The following VMP1 variants were observed in gnomAD, a reference collection of about 807,000 sequenced individuals.
The protein encoded by VMP1 is vacuole membrane protein 1.
VMP1 carries 11 observed loss-of-function variants against 56.0 expected under a neutral mutation model. The observed-to-expected ratio is 0.20, with a 90% CI of 0.12 to 0.32. The LOEUF is 0.32. VMP1 is among the 10% of genes least tolerant of loss of function. VMP1 has a pLI of 1.00. For synonymous variants in VMP1, 149 were observed against 165.0 expected (o/e 0.90, Z 0.74); for missense variants, 296 against 490.3 (o/e 0.60, Z 3.74).
chr17:59,724,791 A>C (rs11870590), intron 1 of VMP1, among the ~76,000 whole-genome samples: 66,157 of 151,490 alleles, frequency 0.44, 16,576 homozygotes, highest in African/African-American at 0.69. Context: ...CAGTGAAACC[A>C]CGTCTCTACT....
chr17:59,817,395 AGGCTG>A (rs2038281664), intron 9 of VMP1, among the ~76,000 whole-genome samples: 1 of 147,690 alleles, frequency 6.8e-6, no homozygotes, highest in African/African-American at 2.5e-5. Flanking sequence ...CTCTGTCATC[AGGCTG>A]GAGTGCAGTG....
chr17:59,722,857 G>A (rs1335144972), intron 1 of VMP1, among the ~76,000 whole-genome samples: 1 of 152,170 alleles, frequency 6.6e-6, no homozygotes, highest in Non-Finnish European at 1.5e-5. Flanking sequence ...TGCCAGCCTA[G>A]GTGATAGAGC....
intron 7 of VMP1, among the ~76,000 whole-genome samples, chr17:59,799,885 C>G (rs2037577610): frequency 6.7e-6 from 1 of 149,688 alleles, no homozygotes; most frequent in Admixed American, 6.7e-5. Context: ...ATCACTTGAA[C>G]CCGGGAGGCG....
Position 59,717,455 on chromosome 17 carries a change from C to T in VMP1, c.-27+9707C>T, listed in dbSNP as rs1394478109. 1.3e-4 allele frequency among the ~76,000 whole-genome samples: 19 copies of T among 151,768 alleles called. No individual in the cohort carries two copies. In the South Asian group the frequency reaches 1.7e-3, roughly 13 times the overall value. On this transcript the variant is annotated intron_variant, in intron 1 of 11. Transcript: ENST00000262291. ...AGGAGTGCAGTGGCACTGTCTAGGC[C>T]CACTGCAACCTCCACCTCCCAGGCT...
At chr17:59,804,394 G>A (rs908283867) in intron 7 of VMP1, among the ~76,000 whole-genome samples, 3 of 151,852 alleles carry the variant, frequency 2.0e-5, no homozygotes, top group East Asian at 3.9e-4. Flanking sequence ...CGGGTGGATC[G>A]CCTAAGCTCA....
intron 1 of VMP1, among the ~76,000 whole-genome samples, chr17:59,726,631 A>AT (rs889386733): frequency 6.6e-6 from 1 of 152,232 alleles, no homozygotes; most frequent in African/African-American, 2.4e-5. Flanking sequence ...GAACTTAAGT[A>AT]TAGCTTCAAG....
chr17:59,806,088 A>AT (rs1240860042), intron 7 of VMP1, among the ~76,000 whole-genome samples: 2 of 152,168 alleles, frequency 1.3e-5, no homozygotes, highest in Admixed American at 6.5e-5. Context: ...CAATTAAAAC[A>AT]TTTTTTACCA....
intron 7 of VMP1, among the ~76,000 whole-genome samples, chr17:59,786,997 A>G (rs906215896): frequency 6.6e-6 from 1 of 152,198 alleles, no homozygotes; most frequent in Non-Finnish European, 1.5e-5. Flanking sequence ...TAGTTTTTGA[A>G]AAGGCGGGCC....
intron 1 of VMP1, among the ~76,000 whole-genome samples, chr17:59,717,724 AG>A: frequency 1.3e-5 from 2 of 152,312 alleles, no homozygotes; most frequent in South Asian, 4.1e-4. Flanking sequence ...ATTTGATAAC[AG>A]CCTGACCAAC....
At chr17:59,713,681 CTCTT>C (rs761078571) in intron 1 of VMP1, among the ~76,000 whole-genome samples, 1 of 123,666 alleles carries the variant, frequency 8.1e-6, no homozygotes, top group Non-Finnish European at 1.6e-5. Flanking sequence ...AACCCCATCT[CTCTT>C]TTTTTTTTTT....
At chr17:59,827,814 G>A (rs1367588104) in intron 10 of VMP1, among the ~76,000 whole-genome samples, 1 of 151,908 alleles carries the variant, frequency 6.6e-6, no homozygotes, top group Non-Finnish European at 1.5e-5. Flanking sequence ...AGCTACTGTG[G>A]CCCCAGCTAC....
At chr17:59,805,262 T>C (rs1453024096) in intron 7 of VMP1, among the ~76,000 whole-genome samples, 4 of 152,246 alleles carry the variant, frequency 2.6e-5, no homozygotes, top group Non-Finnish European at 5.9e-5. Context: ...CTGTTTTTCG[T>C]TCTTGCCTAA....
chr17:59,752,553 A>G (rs1251182385), intron 5 of VMP1, among the ~76,000 whole-genome samples: 1 of 152,242 alleles, frequency 6.6e-6, no homozygotes, highest in Non-Finnish European at 1.5e-5. Context: ...TGTATAAAAA[A>G]AATTAAGAGT....
rs143461966 is a variant in VMP1 at position 59,814,268 on chromosome 17, C to T, written c.912+2482C>T. Among the ~76,000 whole-genome samples, 282 of 152,290 alleles carry T rather than the reference C, an allele frequency of 1.9e-3. 2 individuals carry two copies. The highest frequency in any genetic ancestry group is 6.4e-3 in the African/African-American group (267 of 41,556). ...CTGGGATTACAGGCATGATCCACTG[C>T]GCCTGGCCGATGAGTGATTTTTTTA... On this transcript the variant is annotated intron_variant, in intron 9 of 11. Transcript: ENST00000262291.
chr17:59,812,178 A>G (rs2144231026), intron 9 of VMP1, among the ~76,000 whole-genome samples: 1 of 152,346 alleles, frequency 6.6e-6, no homozygotes, highest in South Asian at 2.1e-4. Flanking sequence ...CCACAAGCTG[A>G]GAGAATATTG....
chr17:59,803,948 G>T (rs915668041), intron 7 of VMP1, among the ~76,000 whole-genome samples: 1 of 118,308 alleles, frequency 8.5e-6, no homozygotes, highest in African/African-American at 2.5e-5. Context: ...TTATAAAAGG[G>T]ATTTTTTTTG....
intron 10 of VMP1, chr17:59,837,943 G>T (rs1458175466): frequency 6.0e-6 from 1 of 167,066 alleles, no homozygotes; most frequent in Non-Finnish European, 1.3e-5. Context: ...TTTATTCTTT[G>T]TGCCATACCA....
At chr17:59,834,242 C>T (rs1246018389) in intron 10 of VMP1, among the ~76,000 whole-genome samples, 1 of 152,046 alleles carries the variant, frequency 6.6e-6, no homozygotes, top group Non-Finnish European at 1.5e-5. Context: ...CAGGCATGAA[C>T]CACCGCACCC....
intron 5 of VMP1, among the ~76,000 whole-genome samples, chr17:59,760,170 A>G (rs971627817): frequency 6.6e-6 from 1 of 151,432 alleles, no homozygotes; most frequent in Non-Finnish European, 1.5e-5. Flanking sequence ...AAGGTTTGCA[A>G]TATGCTCCAT....
Sources: allele counts gnomAD v4.1 joint callset (sites outside exome capture counted in the v4.1 genomes callset), GRCh38; gene constraint gnomAD v4.1.1; transcripts MANE v1.5; gene names NCBI Gene and HGNC (gene_info 2026-07-23, HGNC 2026-07-21).